The following NRK variants were observed in gnomAD, a reference collection of about 807,000 sequenced individuals.
NRK encodes Nik related kinase.
NRK carries 67 observed loss-of-function variants against 125.2 expected under a neutral mutation model. The ratio of observed to expected loss-of-function variants is 0.54; its 90% CI spans 0.44 to 0.66. The LOEUF is 0.66. Ranked by LOEUF, NRK falls within the 30% of genes least tolerant of loss-of-function variation. The pLI is 0.00. For synonymous variants in NRK, 458 were observed against 429.0 expected (o/e 1.07, Z -0.84); for missense variants, 1,224 against 1,192.9 (o/e 1.03, Z -0.38).
chrX:105,897,651 G>C (rs6652933), intron 7 of NRK, among the ~76,000 whole-genome samples: 134 of 111,934 alleles, frequency 1.2e-3, no homozygotes, highest in African/African-American at 4.0e-3. Context: ...TGAGAATGCT[G>C]GGCAATTATT....
intron 19 of NRK, among the ~76,000 whole-genome samples, chrX:105,925,959 T>C (rs973434793): frequency 1.8e-5 from 2 of 111,174 alleles, no homozygotes; most frequent in African/African-American, 6.5e-5. Context: ...TTTTGAGATA[T>C]GTACCTAGTA....
chrX:105,878,710 A>C (rs2039847177), intron 2 of NRK, among the ~76,000 whole-genome samples: 1 of 110,929 alleles, frequency 9.0e-6, no homozygotes, highest in Non-Finnish European at 1.9e-5. Context: ...TTTCCTTTAA[A>C]AATTCTAGTC....
intron 21 of NRK, among the ~76,000 whole-genome samples, chrX:105,936,489 C>T (rs760429195): frequency 3.6e-5 from 4 of 112,197 alleles, no homozygotes; most frequent in Admixed American, 2.8e-4. Flanking sequence ...AGCTCCTAAA[C>T]ATGCCATTGG....
intron 27 of NRK, 68 bp from the exon 28 acceptor site, chrX:105,952,966 A>G: frequency 1.1e-6 from 1 of 872,001 alleles, no homozygotes; most frequent in Non-Finnish European, 1.6e-6. Flanking sequence ...CATTGACTGT[A>G]GTTATAATTT....
At position 105,909,109 on chromosome X, in the gene NRK, C is replaced by T; in HGVS notation, c.1468C>T (p.Leu490Phe). ...ACAGGCACAGGTTAGGGCACCTAGG[C>T]TTCTGCAGGTACAGTCCCAGGTATC... The part of the protein sequence containing the change: ...PLQAQVRAPR[L>F]LQVQSQVSKK... Residue 490 changes from leucine (L) to phenylalanine (F), a missense_variant, in exon 13 of 29, where the codon CTT (leucine) becomes TTT (phenylalanine). Leu to Phe is a conservative substitution (Grantham distance 22). Transcript: ENST00000243300. The T allele has an allele frequency of 8.3e-7, 1 of 1,211,270 alleles. No homozygotes were observed. The highest frequency in any genetic ancestry group is 1.8e-5 in the South Asian group (1 of 57,032).
At chrX:105,834,442 GGTGTGTGCGT>G (rs999868264) in intron 2 of NRK, among the ~76,000 whole-genome samples, 3 of 107,819 alleles carry the variant, frequency 2.8e-5, no homozygotes, top group Admixed American at 1.0e-4. Context: ...AATGTCTGGA[GGTGTGTGCGT>G]GTGTGTGTGT....
At chrX:105,923,090 G>A (rs753503888) in intron 17 of NRK, 28 bp from the exon 18 acceptor site, 1 of 1,154,595 alleles carries the variant, frequency 8.7e-7, no homozygotes, top group South Asian at 2.0e-5. Flanking sequence ...GCTACTAGAG[G>A]CTACATTAAC....
At chrX:105,905,147 C>G (rs2040204157) in intron 9 of NRK, 118 bp from the exon 10 acceptor site, 1 of 498,268 alleles carries the variant, frequency 2.0e-6, no homozygotes, top group Admixed American at 3.1e-5. Context: ...TCTATTTGTC[C>G]CTTAGTGTCT....
chrX:105,879,507 A>C (rs1225758139), intron 2 of NRK, among the ~76,000 whole-genome samples: 1 of 111,252 alleles, frequency 9.0e-6, no homozygotes, highest in Non-Finnish European at 1.9e-5. Flanking sequence ...TTATACTTGC[A>C]TTTAGGGTAA....
chrX:105,948,638 T>C (rs191333512), intron 26 of NRK: 1 of 498,080 alleles, frequency 2.0e-6, no homozygotes, highest in East Asian at 3.7e-5. Context: ...ATTCAATTGC[T>C]CATGCAAGTG....
chrX:105,925,156 T>C, intron 19 of NRK, 125 bp downstream of exon 19: 1 of 512,531 alleles, frequency 2.0e-6, no homozygotes, highest in Non-Finnish European at 3.2e-6. Flanking sequence ...CTTAAACATT[T>C]TTAATTATAG....
At chrX:105,950,093 GTTTATC>G (rs1182074929) in intron 27 of NRK, among the ~76,000 whole-genome samples, 3 of 111,901 alleles carry the variant, frequency 2.7e-5, no homozygotes, top group Non-Finnish European at 5.6e-5. Context: ...TGATTGTGGG[GTTTATC>G]TTTATCTTAG....
chrX:105,878,584 A>G (rs2039845072), intron 2 of NRK, among the ~76,000 whole-genome samples: 1 of 111,807 alleles, frequency 8.9e-6, no homozygotes, highest in Non-Finnish European at 1.9e-5. Flanking sequence ...TCCACTTCTC[A>G]TGTAAATCTG....
intron 14 of NRK, among the ~76,000 whole-genome samples, chrX:105,914,199 CT>C (rs2040336582): frequency 9.0e-6 from 1 of 110,668 alleles, no homozygotes; most frequent in Non-Finnish European, 1.9e-5. Context: ...ATGGACAACT[CT>C]CATTTTTAAG....
At chrX:105,923,062 A>G in intron 17 of NRK, 56 bp from the exon 18 acceptor site, 2 of 1,063,429 alleles carry the variant, frequency 1.9e-6, no homozygotes, top group Non-Finnish European at 1.3e-6. Flanking sequence ...AAACTTTCCA[A>G]TCTAGAAGAA....
intron 4 of NRK, among the ~76,000 whole-genome samples, chrX:105,886,459 T>C (rs1257241959): frequency 9.6e-6 from 1 of 103,884 alleles, no homozygotes; most frequent in Non-Finnish European, 1.9e-5. Context: ...TATATATAAT[T>C]ATATTATATA....
chrX:105,901,079 C>T (rs956841385), intron 9 of NRK, among the ~76,000 whole-genome samples: 10 of 110,641 alleles, frequency 9.0e-5, no homozygotes, highest in African/African-American at 3.3e-4. Flanking sequence ...GTGCTACTGC[C>T]TCAGGCTGTG....
rs1234983715 is a variant in NRK at position 105,908,272 on chromosome X, A to G, written c.1054A>G (p.Ile352Val). The change falls in exon 12 of 29, where the codon ATT (isoleucine) becomes GTT (valine). Residue 352 changes from isoleucine to valine, a missense_variant. Physicochemically the swap from Ile to Val is conservative, Grantham distance 29. Coordinates refer to ENST00000243300, the MANE Select transcript of NRK (RefSeq NM_198465.4). ...IPLIFEREEA[I>V]KEQYTVRRFR... ...TTTGATCTTTGAAAGAGAAGAAGCT[A>G]TTAAGGAACAGTACACCGTGAGAAG... is the stretch of plus-strand genomic sequence containing the variant. The G allele has an allele frequency of 2.7e-6, 3 of 1,101,906 alleles. No homozygotes were observed. The highest frequency in any genetic ancestry group is 4.2e-5 in the South Asian group (2 of 47,407). The allele number at this position is 1,101,906 out of a possible 1,213,427, so 90.8% of individuals were successfully genotyped here.
At position 105,922,019 on chromosome X, in the gene NRK, A is replaced by G; in HGVS notation, c.2568A>G (p.Pro856=). 1 of 1,175,004 alleles carries G rather than the reference A, an allele frequency of 8.5e-7. No homozygotes were observed. Among genetic ancestry groups the G allele is most frequent in the Non-Finnish European group, 1.2e-6 (1 of 864,225 alleles). The change falls in exon 17 of 29, where the codon CCA becomes CCG. Residue 856 remains proline, a synonymous_variant. Transcript: ENST00000243300. ...CTGGAAGGAGGTCTCAGTCATCACC[A>G]CCTTATTCTACTATTGATCAGAAGT... ...PVTGRRSQSS[P]PYSTIDQKLL... is the part of the protein sequence containing the mutation.
Sources: allele counts gnomAD v4.1 joint callset (sites outside exome capture counted in the v4.1 genomes callset), GRCh38; gene constraint gnomAD v4.1.1; transcripts MANE v1.5; gene names NCBI Gene and HGNC (gene_info 2026-07-23, HGNC 2026-07-21).